Variants in RNF207 observed in about 807,000 individuals in gnomAD.
RNF207 encodes the protein ring finger protein 207.
RNF207 carries 72 observed loss-of-function variants against 79.0 expected under a neutral mutation model. The observed-to-expected ratio is 0.91, with a 90% CI of 0.75 to 1.11. RNF207 has a LOEUF of 1.11. Ranked by LOEUF, RNF207 falls within the 50% of genes least tolerant of loss-of-function variation. RNF207 has a pLI of 0.00. For synonymous variants in RNF207, 348 were observed against 366.2 expected, an observed-to-expected ratio of 0.95 and a Z score of 0.57; for missense variants, 936 against 855.8, an observed-to-expected ratio of 1.09 and a Z score of -1.17.
chr1:6,208,912 G>A lies in RNF207; in HGVS notation c.356G>A (p.Cys119Tyr). The change falls in exon 4 of 18, where the codon TGC becomes TAC. Residue 119 changes from cysteine to tyrosine, a missense_variant. Cys to Tyr is a radical substitution (Grantham distance 194). Coordinates refer to ENST00000377939, the MANE Select transcript of RNF207 (RefSeq NM_207396.3). ...DVETTYFCNT[C>Y]GQPLCARCRD... ...GAGACCACGTACTTCTGCAACACGT[G>A]CGGACAGCCCCTATGCGCGCGCTGC... 1.6e-5 allele frequency: 25 copies of A among 1,533,716 alleles called. No homozygotes were observed. The highest frequency in any genetic ancestry group is 2.2e-5 in the Non-Finnish European group (25 of 1,145,224).
At chr1:6,213,248 C>T (rs1048399955) in intron 16 of RNF207, 65 bp downstream of exon 16, 43 of 1,043,496 alleles carry the variant, frequency 4.1e-5, no homozygotes, top group Middle Eastern at 4.2e-4. Context: ...GGGCTGGGTG[C>T]GGTGGCTCAC....
rs537291362 is a variant in RNF207, at chr1:6,217,348, G to A, written c.1653-941G>A. Among the ~76,000 whole-genome samples the A allele has an allele frequency of 9.9e-5, 15 of 152,172 alleles. No individual in the cohort carries two copies. The highest frequency in any genetic ancestry group is 2.0e-4 in the Admixed American group (3 of 15,270). On this transcript the variant is annotated intron_variant, in intron 16 of 17. Coordinates refer to ENST00000377939, the MANE Select transcript of RNF207 (RefSeq NM_207396.3). The surrounding 1 kb of genome is among the most constrained non-coding windows in gnomAD (Gnocchi z 4.2). Reference sequence around the variant, plus strand: ...CACAGCCTACGCTCACTCCTTGGGCGACCTCATTCAGTCCCTGGCTTTAAG... The same window carrying A: ...CACAGCCTACGCTCACTCCTTGGGCAACCTCATTCAGTCCCTGGCTTTAAG...
rs79344881 is a variant in RNF207 at position 6,212,115 on chromosome 1, G to A, written c.1296+62G>A. 1,703 of 1,546,814 alleles carry A rather than the reference G, an allele frequency of 1.1e-3. 21 individuals carry two copies. The East Asian group carries it at 0.026, about 24-fold the overall frequency. On this transcript the variant is annotated intron_variant, in intron 13 of 17. Coordinates refer to ENST00000377939, the MANE Select transcript of RNF207 (RefSeq NM_207396.3). ...CCTAACCCACTCCTCACCAAGGTACGCTCAGGGAAATCGAGTTCTCCCAGC... is the reference window on the plus strand; with the variant it reads ...CCTAACCCACTCCTCACCAAGGTACACTCAGGGAAATCGAGTTCTCCCAGC...
Position 6,210,218 on chromosome 1 carries a change from C to A in RNF207, c.801-5C>A. The A allele has an allele frequency of 6.2e-7, 1 of 1,613,052 alleles. No homozygotes were observed. Among genetic ancestry groups the A allele is most frequent in the Non-Finnish European group, 8.5e-7 (1 of 1,179,446 alleles). The stretch of plus-strand genomic sequence containing the variant: ...CCTGGAAACCAGGCAGCCCCCCTCC[C>A]CCAGCCAATACGAAGAGAAGGACAA... On this transcript the variant is annotated splice_region_variant and splice_polypyrimidine_tract_variant and intron_variant, in intron 8 of 17. Transcript: ENST00000377939.
Position 6,212,055 on chromosome 1 carries a change from T to A in RNF207, c.1296+2T>A. 6.3e-7 allele frequency: 1 copy of A among 1,591,118 alleles called. No individual in the cohort carries two copies. Among genetic ancestry groups the A allele is most frequent in the Non-Finnish European group, 8.6e-7 (1 of 1,168,382 alleles). On this transcript the variant is annotated splice_donor_variant, in intron 13 of 17. Transcript: ENST00000377939. LOFTEE classifies it high-confidence loss of function. ...CGCCACTATGAGGACTCCTACCGGG[T>A]GAGGGGGCAGGGATCTGCCGGAGGG...
chr1:6,209,602 C>G, intron 7 of RNF207, 63 bp downstream of exon 7: 1 of 1,408,490 alleles, frequency 7.1e-7, no homozygotes, highest in Non-Finnish European at 9.2e-7. Context: ...GGGCTGGTCC[C>G]TTGCCCTTGT....
At chr1:6,216,341 A>G (rs1414668024) in intron 16 of RNF207, among the ~76,000 whole-genome samples, 4 of 152,194 alleles carry the variant, frequency 2.6e-5, no homozygotes, top group Admixed American at 6.5e-5. Flanking sequence ...GCTGGAGCCT[A>G]GCTCCTGGAG....
chr1:6,212,904 G>T, intron 15 of RNF207, 162 bp from the exon 16 acceptor site: 1 of 772,570 alleles, frequency 1.3e-6, no homozygotes, highest in Non-Finnish European at 2.3e-6. Flanking sequence ...TGCATGTGAG[G>T]TCAGGATTCA....
In RNF207 at chr1:6,214,635, T is replaced by C. The variant is rs1350776692; in HGVS notation, c.1652+1452T>C. 1.3e-4 allele frequency among the ~76,000 whole-genome samples: 18 copies of C among 134,226 alleles called. No homozygotes were observed. The East Asian group carries it at 1.7e-3, about 12-fold the overall frequency. 88.1% of individuals were successfully genotyped at this position (134,226 alleles called of 152,430 possible). The stretch of plus-strand genomic sequence containing the variant: ...CCAGGCTGGAATATTTCTTTCTTTT[T>C]TTTTTTTTTTTTTTTTTTGAGACAG... On this transcript the variant is annotated intron_variant, in intron 16 of 17. Coordinates refer to ENST00000377939, the MANE Select transcript of RNF207 (RefSeq NM_207396.3).
chr1:6,211,922 G>C lies in RNF207; in HGVS notation c.1165G>C (p.Val389Leu), dbSNP rs1668182718. Residue 389 changes from valine (V) to leucine (L), a missense_variant, in exon 13 of 18, where the codon GTA becomes CTA. Coordinates refer to ENST00000377939, the MANE Select transcript of RNF207 (RefSeq NM_207396.3). The surrounding 1 kb of genome is among the most constrained non-coding windows in gnomAD (Gnocchi z 4.2). ...ALTGPHCPSP[V>L]GKMSGSPVQK... ...GACGGGGCCCCACTGCCCCTCCCCA[G>C]TAGGAAAGATGTCGGGGTCACCCGT... is the stretch of plus-strand genomic sequence containing the variant. 1 of 1,551,622 alleles carries C rather than the reference G, an allele frequency of 6.4e-7. No individual in the cohort carries two copies. Among genetic ancestry groups the C allele is most frequent in the Non-Finnish European group, 8.7e-7 (1 of 1,147,664 alleles).
rs572511432 is a variant in RNF207, at chr1:6,208,988, C to T, written c.432C>T (p.Ala144=). Residue 144 remains alanine (A), a synonymous_variant, in exon 4 of 18, where the codon GCC becomes GCT. Coordinates refer to ENST00000377939, the MANE Select transcript of RNF207 (RefSeq NM_207396.3). ...TGTTCGCGCGCCACGACATCGTGGC[C>T]CTGGGTCAGCGAAGCCGCGACGTGC... ...ARMFARHDIV[A]LGQRSRDVPQ... 26 of 1,533,018 alleles carry T rather than the reference C, an allele frequency of 1.7e-5. 1 individual carries two copies. In the African/African-American group the frequency reaches 2.9e-4, roughly 17 times the overall value. 95.0% of individuals were successfully genotyped at this position (1,533,018 alleles called of 1,614,324 possible).
In RNF207 at chr1:6,211,760, G is replaced by C; in HGVS notation, c.1110-107G>C. 1.3e-6 allele frequency: 1 copy of C among 742,190 alleles called. No homozygotes were observed. The highest frequency in any genetic ancestry group is 2.2e-6 in the Non-Finnish European group (1 of 454,304). 46.0% of individuals were successfully genotyped at this position (742,190 alleles called of 1,614,324 possible). A position where few individuals can be genotyped will look rare whatever the true frequency, so the allele number is the denominator to read the frequency against. On this transcript the variant is annotated intron_variant, in intron 12 of 17. Transcript: ENST00000377939. This position sits in a 1 kb window ranked among gnomAD's most constrained non-coding sequence, Gnocchi z 4.2. The stretch of plus-strand genomic sequence containing the variant: ...TGGTGGCTCTGCTGTGCTCCAGGTG[G>C]TGGAGAGGGCTGTGAGATCCCGGAG...
At position 6,213,153 on chromosome 1, in the gene RNF207, T is replaced by C. The variant is rs1172811000; in HGVS notation, c.1622T>C (p.Ile541Thr). The change falls in exon 16 of 18, where the codon ATT becomes ACT. Residue 541 changes from isoleucine to threonine, a missense_variant. Physicochemically the swap from Ile to Thr is moderately conservative, Grantham distance 89 (BLOSUM62 -1). Transcript: ENST00000377939. The stretch of plus-strand genomic sequence containing the variant: ...CAGATCACGCCCTACGTCCGCTCCA[T>C]TGCCAAGGTGAAGGAGCGGCTGGAG... ...TKQITPYVRS[I>T]AKVKERLEPR... 2 of 1,612,630 alleles carry C rather than the reference T, an allele frequency of 1.2e-6. No individual in the cohort carries two copies. The highest frequency in any genetic ancestry group is 1.7e-6 in the Non-Finnish European group (2 of 1,179,382).
rs201365005 is a variant in RNF207 at position 6,212,074 on chromosome 1, C to CG, written c.1296+23dup. On this transcript the variant is annotated intron_variant, in intron 13 of 17. Coordinates refer to ENST00000377939, the MANE Select transcript of RNF207 (RefSeq NM_207396.3). The stretch of plus-strand genomic sequence containing the variant: ...ACCGGGTGAGGGGGCAGGGATCTGC[C>CG]GGAGGGGGGAGATGTCCTAACCCAC... 8.3e-3 allele frequency: 12,965 copies of CG among 1,557,574 alleles called. 65 individuals are homozygous for CG. Among genetic ancestry groups the CG allele is most frequent in the Middle Eastern group, 0.025 (147 of 5,804 alleles).
intron 9 of RNF207, 28 bp downstream of exon 9, chr1:6,210,323 T>C: frequency 6.2e-7 from 1 of 1,612,474 alleles, no homozygotes. Context: ...TGCGGGTGGG[T>C]CCCTCCTCCT....
At position 6,208,954 on chromosome 1, in the gene RNF207, G is replaced by A. The variant is rs1352528993; in HGVS notation, c.398G>A (p.Arg133Gln). Residue 133 changes from arginine (R) to glutamine (Q), a missense_variant, in exon 4 of 18, where the codon CGA becomes CAA. By Grantham distance (43) the Arg-to-Gln change is conservative. Transcript: ENST00000377939. ...GCGCGCTGCCGCGACGAGACGCACC[G>A]AGCACGCATGTTCGCGCGCCACGAC... ...LCARCRDETH[R>Q]ARMFARHDIV... The A allele has an allele frequency of 2.0e-6, 3 of 1,536,368 alleles. No individual in the cohort carries two copies. The highest frequency in any genetic ancestry group is 2.7e-5 in the African/African-American group (2 of 72,920).
intron 15 of RNF207, 160 bp downstream of exon 15, chr1:6,212,893 A>T: frequency 1.3e-6 from 1 of 781,710 alleles, no homozygotes; most frequent in Non-Finnish European, 2.2e-6. Context: ...GCCTCAAATG[A>T]TGCATGTGAG....
At chr1:6,216,371 C>T (rs984566149) in intron 16 of RNF207, among the ~76,000 whole-genome samples, 1 of 152,240 alleles carries the variant, frequency 6.6e-6, no homozygotes, top group Admixed American at 6.5e-5. Context: ...AAGGTGGGGC[C>T]GGCTCTGCTC....
intron 16 of RNF207, 75 bp downstream of exon 16, chr1:6,213,258 C>T (rs1045983115): frequency 2.5e-5 from 24 of 942,142 alleles, no homozygotes; most frequent in Non-Finnish European, 3.8e-5. Context: ...CGGTGGCTCA[C>T]GCCTGTAATC....
Sources: gnomAD v4.1 joint callset for allele counts (sites outside exome capture counted in the v4.1 genomes callset) on GRCh38, gnomAD v4.1.1 for gene constraint, Gnocchi (gnomAD v3.1) non-coding constraint, MANE v1.5 for transcripts, NCBI Gene and HGNC (gene_info 2026-07-23, HGNC 2026-07-21) for gene names.